Variants in KIF1B observed in about 807,000 individuals in gnomAD.
KIF1B encodes the protein kinesin-like protein KIF1B.
In KIF1B, 76 loss-of-function variants were observed where a neutral mutation model predicts 241.9. The ratio of observed to expected loss-of-function variants is 0.31; its 90% CI spans 0.26 to 0.38. The LOEUF (loss-of-function observed/expected upper bound fraction) is 0.38, where lower values mean the gene tolerates loss of function less well. Ranked by LOEUF, KIF1B falls within the 10% of genes least tolerant of loss-of-function variation. The pLI, the probability that KIF1B is intolerant of heterozygous loss-of-function variation, is 1.00. For synonymous variants in KIF1B, 750 were observed against 796.7 expected, an observed-to-expected ratio of 0.94 and a Z score of 0.99; for missense variants, 1,622 against 2,271.4, an observed-to-expected ratio of 0.71 and a Z score of 5.81.
chr1:10,343,688 G>A (rs2853484), intron 34 of KIF1B, among the ~76,000 whole-genome samples: 7,459 of 152,270 alleles, frequency 0.049, 377 homozygotes, highest in East Asian at 0.16. Flanking sequence ...AACCGGGGAG[G>A]TGGAGGTTGC....
At chr1:10,221,400 C>T (rs2102102796) in intron 1 of KIF1B, among the ~76,000 whole-genome samples, 1 of 152,080 alleles carries the variant, frequency 6.6e-6, no homozygotes, top group East Asian at 1.9e-4. Flanking sequence ...GCCCGGCCTC[C>T]TTTTCTAATA....
chr1:10,328,558 T>TC (rs1238248204), intron 27 of KIF1B, among the ~76,000 whole-genome samples: 1 of 152,360 alleles, frequency 6.6e-6, no homozygotes, highest in East Asian at 1.9e-4. Context: ...AATGCTTGCT[T>TC]CATTTGATGG....
chr1:10,337,680 C>T lies in KIF1B; in HGVS notation c.3422+147C>T, dbSNP rs1262782807. ...TCTGAAGGAAAATACTTTCATCACTCCTATGGGAGTGAGAACCAGAAACCT... is the reference window on the plus strand; with the variant it reads ...TCTGAAGGAAAATACTTTCATCACTTCTATGGGAGTGAGAACCAGAAACCT... On this transcript the variant is annotated intron_variant, in intron 31 of 48. Coordinates refer to ENST00000676179, the MANE Select transcript of KIF1B (RefSeq NM_001365951.3). This position sits in a 1 kb window ranked among gnomAD's most constrained non-coding sequence, Gnocchi z 4.0. 1 of 929,966 alleles carries T rather than the reference C, an allele frequency of 1.1e-6. No homozygotes were observed. Among genetic ancestry groups the T allele is most frequent in the Non-Finnish European group, 1.6e-6 (1 of 611,496 alleles). 57.6% of individuals were successfully genotyped at this position (929,966 alleles called of 1,614,324 possible).
At chr1:10,278,939 C>A in intron 13 of KIF1B, 158 bp from the exon 14 acceptor site, 1 of 511,440 alleles carries the variant, frequency 2.0e-6, no homozygotes, top group Non-Finnish European at 3.6e-6. Context: ...TGATTAGAGT[C>A]CGAGTTTAGA....
At chr1:10,287,652 C>G (rs972033431) in intron 15 of KIF1B, among the ~76,000 whole-genome samples, 2 of 152,144 alleles carry the variant, frequency 1.3e-5, no homozygotes, top group African/African-American at 4.8e-5. Context: ...GCAAAGAGAT[C>G]ATGTTCTGAT....
chr1:10,308,794 T>C (rs1650946854), intron 22 of KIF1B, among the ~76,000 whole-genome samples: 1 of 152,260 alleles, frequency 6.6e-6, no homozygotes, highest in South Asian at 2.1e-4. Context: ...AACAAAATTC[T>C]ATCTTAAGTG....
chr1:10,211,437 G>A (rs950550930), intron 1 of KIF1B, among the ~76,000 whole-genome samples: 1 of 152,224 alleles, frequency 6.6e-6, no homozygotes, highest in Non-Finnish European at 1.5e-5. Context: ...CTGGCCAGGT[G>A]TGAGGAAGGC....
chr1:10,248,423 A>G (rs1236213269), intron 2 of KIF1B, among the ~76,000 whole-genome samples: 2 of 151,898 alleles, frequency 1.3e-5, no homozygotes, highest in African/African-American at 2.4e-5. Context: ...CTGGTCTCAA[A>G]CTCCTGGGCT....
intron 14 of KIF1B, among the ~76,000 whole-genome samples, chr1:10,281,038 G>A (rs1029683258): frequency 6.6e-6 from 1 of 151,940 alleles, no homozygotes; most frequent in Non-Finnish European, 1.5e-5. Flanking sequence ...ATGCCTCTTT[G>A]CTTGTTGCCC....
chr1:10,305,415 A>G, intron 22 of KIF1B: 1 of 1,054,858 alleles, frequency 9.5e-7, no homozygotes, highest in Non-Finnish European at 1.1e-6. Context: ...TTTGACACAC[A>G]TGCACACAAA....
chr1:10,274,980 T>C (rs766741116), intron 10 of KIF1B: 14 of 349,216 alleles, frequency 4.0e-5, no homozygotes, highest in Non-Finnish European at 7.2e-5. Flanking sequence ...GATGTTTAAT[T>C]TTTTGAATTT....
Position 10,339,819 on chromosome 1 carries a change from A to G in KIF1B, c.3473A>G (p.Asn1158Ser). The G allele has an allele frequency of 3.1e-6, 5 of 1,614,134 alleles. No individual in the cohort carries two copies. The highest frequency in any genetic ancestry group is 4.2e-6 in the Non-Finnish European group (5 of 1,180,016). The change falls in exon 32 of 49, where the codon AAT becomes AGT. Residue 1158 changes from asparagine to serine, a missense_variant. Physicochemically the swap from Asn to Ser is conservative, Grantham distance 46. This residue lies in a region of KIF1B where 803 missense variants were observed against 1,112.0 expected (regional missense o/e 0.72). Transcript: ENST00000676179. ...EAFSTEPLKN[N>S]GRGSPLAFYH... ...TTCTCCACGGAGCCCCTCAAAAACA[A>G]TGGCAGAGGAAGTCCCCTGGCCTTT... is the stretch of plus-strand genomic sequence containing the variant.
chr1:10,296,736 T>C, intron 20 of KIF1B, 71 bp downstream of exon 20: 1 of 1,474,438 alleles, frequency 6.8e-7, no homozygotes, highest in Non-Finnish European at 9.5e-7. Flanking sequence ...AATTTTTGGC[T>C]GTTTAAAGGC....
In KIF1B at chr1:10,303,017, GT is replaced by G. The variant is rs1650618296; in HGVS notation, c.2115+5775del. 1 of 925,956 alleles carries G rather than the reference GT, an allele frequency of 1.1e-6. No individual in the cohort carries two copies. The highest frequency in any genetic ancestry group is 1.6e-6 in the Non-Finnish European group (1 of 623,170). The allele number at this position is 925,956 out of a possible 1,614,324, so 57.4% of individuals were successfully genotyped here. On this transcript the variant is annotated intron_variant, in intron 22 of 48. Coordinates refer to ENST00000676179, the MANE Select transcript of KIF1B (RefSeq NM_001365951.3). This position sits in a 1 kb window ranked among gnomAD's most constrained non-coding sequence, Gnocchi z 5.2. ...CCACATTATTGAGGGGTTTTTTTTGGTTTTGTTTTGTTTTTTAGTTTTTTTG... is the reference window on the plus strand; with the variant it reads ...CCACATTATTGAGGGGTTTTTTTTGGTTTGTTTTGTTTTTTAGTTTTTTTG...
At chr1:10,332,130 T>C (rs896106438) in intron 27 of KIF1B, among the ~76,000 whole-genome samples, 1 of 152,102 alleles carries the variant, frequency 6.6e-6, no homozygotes, top group Non-Finnish European at 1.5e-5. Flanking sequence ...AATGGTGCGA[T>C]CTCGGCTCAC....
intron 37 of KIF1B, among the ~76,000 whole-genome samples, 193 bp from the exon 38 acceptor site, chr1:10,352,438 A>T (rs558394668): frequency 6.6e-6 from 1 of 152,356 alleles, no homozygotes; most frequent in East Asian, 1.9e-4. Flanking sequence ...TTGAATAAAG[A>T]ATCAATATGG....
At chr1:10,334,021 C>T (rs989584507) in intron 27 of KIF1B, among the ~76,000 whole-genome samples, 9 of 150,474 alleles carry the variant, frequency 6.0e-5, no homozygotes, top group Non-Finnish European at 1.3e-4. Context: ...TATGGTGGCA[C>T]GTGCCTGTAA....
At chr1:10,297,922 A>G (rs1048377211) in intron 22 of KIF1B, among the ~76,000 whole-genome samples, 2 of 152,282 alleles carry the variant, frequency 1.3e-5, no homozygotes, top group Non-Finnish European at 2.9e-5. Context: ...AAGTCTGTTT[A>G]AGGTCCCAGC....
At chr1:10,304,231 C>A in intron 22 of KIF1B, 2 of 1,614,154 alleles carry the variant, frequency 1.2e-6, no homozygotes, top group Non-Finnish European at 1.7e-6. Context: ...TTTTAAGGAT[C>A]CCCAGTTTCC....
Sources: allele counts gnomAD v4.1 joint callset (sites outside exome capture counted in the v4.1 genomes callset), GRCh38; gene constraint gnomAD v4.1.1; regional missense constraint gnomAD v4.1.1; non-coding constraint Gnocchi (gnomAD v3.1); transcripts MANE v1.5; gene names NCBI Gene and HGNC (gene_info 2026-07-23, HGNC 2026-07-21).